The following CNKSR3 variants were observed in gnomAD, a reference collection of about 807,000 sequenced individuals.
CNKSR3 encodes connector enhancer of kinase suppressor of ras 3.
In CNKSR3, 36 loss-of-function variants were observed where a neutral mutation model predicts 67.7. The ratio of observed to expected loss-of-function variants is 0.53; its 90% confidence interval spans 0.41 to 0.70. The LOEUF (loss-of-function observed/expected upper bound fraction) is 0.70. Ranked by LOEUF, CNKSR3 falls within the 30% of genes least tolerant of loss-of-function variation. The probability of loss-of-function intolerance (pLI) is 0.00; values close to 1 mark genes in which losing one functional copy is unlikely to be tolerated. For missense variants in CNKSR3, 630 were observed against 695.2 expected (o/e 0.91, Z 1.05); for synonymous variants, 281 against 271.4 (o/e 1.04, Z -0.35).
At chr6:154,413,424 C>T (rs1784949746) in intron 10 of CNKSR3, among the ~76,000 whole-genome samples, 1 of 151,970 alleles carries the variant, frequency 6.6e-6, no homozygotes. Context: ...AGAGATGGGG[C>T]CTCACTATAT....
At chr6:154,507,972 C>G (rs753607586) in intron 1 of CNKSR3, among the ~76,000 whole-genome samples, 3 of 152,194 alleles carry the variant, frequency 2.0e-5, no homozygotes, top group Non-Finnish European at 4.4e-5. Context: ...ACAACAACAA[C>G]AAAACCAGAC....
intron 1 of CNKSR3, among the ~76,000 whole-genome samples, chr6:154,474,112 T>TA (rs112210954): frequency 7.0e-4 from 101 of 144,664 alleles, no homozygotes; most frequent in Middle Eastern, 3.5e-3. Context: ...CATGGGGTTA[T>TA]AAAAAAAAAA....
chr6:154,450,010 T>G (rs1019462053), intron 2 of CNKSR3, 85 bp downstream of exon 2: 1 of 1,293,424 alleles, frequency 7.7e-7, no homozygotes, highest in Non-Finnish European at 1.1e-6. Context: ...AAGAGTGATA[T>G]GCTAAATCAC....
intron 1 of CNKSR3, among the ~76,000 whole-genome samples, chr6:154,468,059 C>CT (rs554569457): frequency 0.012 from 1,572 of 126,660 alleles, 19 homozygotes; most frequent in Middle Eastern, 0.044. Context: ...CACGCCTAGG[C>CT]TTTTTTTTTT....
intron 1 of CNKSR3, among the ~76,000 whole-genome samples, chr6:154,467,925 A>G (rs1562346572): frequency 6.6e-6 from 1 of 151,302 alleles, no homozygotes. Flanking sequence ...ACGCCCGGCT[A>G]ATTTTTGTAC....
intron 5 of CNKSR3, among the ~76,000 whole-genome samples, chr6:154,431,471 A>G (rs1388432789): frequency 6.6e-6 from 1 of 151,682 alleles, no homozygotes; most frequent in Non-Finnish European, 1.5e-5. Context: ...AGCCACCAAA[A>G]ACAAATTATG....
intron 1 of CNKSR3, among the ~76,000 whole-genome samples, chr6:154,490,139 A>ATGCTTTAAAGTTTTCTTAT (rs1327030365): frequency 1.3e-5 from 2 of 152,168 alleles, no homozygotes; most frequent in Non-Finnish European, 2.9e-5. Flanking sequence ...GCTTAAAGTC[A>ATGCTTTAAAGTTTTCTTAT]GCTCAGTTTT....
rs1453787695 is a variant in CNKSR3, at chr6:154,394,895, T to C, written c.*11459A>G. 6.6e-6 allele frequency: 1 copy of C among 152,224 alleles called. No individual in the cohort carries two copies. The highest frequency in any genetic ancestry group is 1.5e-5 in the Non-Finnish European group (1 of 68,050). The allele number at this position is 152,224 out of a possible 1,614,324, so 9.4% of individuals were successfully genotyped here. A position where few individuals can be genotyped will look rare whatever the true frequency, so the allele number is the denominator to read the frequency against. ...TGTGGGTTGGATTCTTTGTTGCTTATACCTCCAATGGCCAAATACATTTTC... is the reference window on the plus strand; with the variant it reads ...TGTGGGTTGGATTCTTTGTTGCTTACACCTCCAATGGCCAAATACATTTTC... On this transcript the variant is annotated 3_prime_UTR_variant, in exon 13 of 13. Coordinates refer to ENST00000607772, the MANE Select transcript of CNKSR3 (RefSeq NM_173515.4).
In CNKSR3 at chr6:154,394,356, T is replaced by C. The variant is rs1784636871; in HGVS notation, c.*11998A>G. Reference sequence around the variant, plus strand: ...GGCCAGGTTGGTTGAGTATTCACTTTCCTGGGACCCATCTCCCAATTTACC... The same window carrying C: ...GGCCAGGTTGGTTGAGTATTCACTTCCCTGGGACCCATCTCCCAATTTACC... On this transcript the variant is annotated 3_prime_UTR_variant, in exon 13 of 13. Coordinates refer to ENST00000607772, the MANE Select transcript of CNKSR3 (RefSeq NM_173515.4). 6.6e-6 allele frequency: 1 copy of C among 152,106 alleles called. No individual in the cohort carries two copies. Among genetic ancestry groups the C allele is most frequent in the Non-Finnish European group, 1.5e-5 (1 of 68,040 alleles). 9.4% of individuals were successfully genotyped at this position (152,106 alleles called of 1,614,324 possible).
chr6:154,486,448 C>T (rs1276494543), intron 1 of CNKSR3, among the ~76,000 whole-genome samples: 1 of 151,232 alleles, frequency 6.6e-6, no homozygotes, highest in Non-Finnish European at 1.5e-5. Context: ...AGGCACGGGC[C>T]ACCACGCCCA....
intron 9 of CNKSR3, among the ~76,000 whole-genome samples, chr6:154,419,539 C>T (rs905999174): frequency 2.0e-5 from 3 of 152,146 alleles, no homozygotes; most frequent in African/African-American, 7.2e-5. Flanking sequence ...AATCCTAGCA[C>T]ACGGCTGGTG....
At chr6:154,424,846 A>G (rs1189255060) in intron 7 of CNKSR3, among the ~76,000 whole-genome samples, 3 of 152,078 alleles carry the variant, frequency 2.0e-5, no homozygotes, top group Non-Finnish European at 4.4e-5. Context: ...ATCTCAGCCC[A>G]CTGTAACCTC....
In CNKSR3 at chr6:154,404,005, G is replaced by C. The variant is rs1784744862; in HGVS notation, c.*2349C>G. 6.6e-6 allele frequency: 1 copy of C among 152,162 alleles called. No homozygotes were observed. Among genetic ancestry groups the C allele is most frequent in the Non-Finnish European group, 1.5e-5 (1 of 68,072 alleles). The allele number at this position is 152,162 out of a possible 1,614,324, so 9.4% of individuals were successfully genotyped here. On this transcript the variant is annotated 3_prime_UTR_variant, in exon 13 of 13. Transcript: ENST00000607772. ...GGCATAAAGCCAGCTCAAGACAAGA[G>C]TAAAACAGGCAGGGCTGGCTCGCCC...
At chr6:154,434,999 T>C (rs1378910181) in intron 4 of CNKSR3, among the ~76,000 whole-genome samples, 1 of 149,926 alleles carries the variant, frequency 6.7e-6, no homozygotes, top group African/African-American at 2.4e-5. Context: ...CAAATTCCTT[T>C]TTTTTTTTTT....
chr6:154,424,086 G>C lies in CNKSR3; in HGVS notation c.730-1103C>G, dbSNP rs530423733. Among the ~76,000 whole-genome samples, 4 of 152,200 alleles carry C rather than the reference G, an allele frequency of 2.6e-5. No homozygotes were observed. In the South Asian group the frequency reaches 8.3e-4, roughly 32 times the overall value. On this transcript the variant is annotated intron_variant, in intron 7 of 12. Coordinates refer to ENST00000607772, the MANE Select transcript of CNKSR3 (RefSeq NM_173515.4). ...TCTCTACTAAAAATACAAAAAATTA[G>C]CCAGGCATGGTGGCGGGCGCCTGTA...
Position 154,405,516 on chromosome 6 carries a change from C to T in CNKSR3, c.*838G>A, listed in dbSNP as rs968434383. 7 of 152,282 alleles carry T rather than the reference C, an allele frequency of 4.6e-5. No individual in the cohort carries two copies. Among genetic ancestry groups the T allele is most frequent in the African/African-American group, 1.7e-4 (7 of 41,458 alleles). The allele number at this position is 152,282 out of a possible 1,614,324, so 9.4% of individuals were successfully genotyped here. Reference sequence around the variant, plus strand: ...GTGTACAATTTTGAAGAAGTGTACACACCGTGCTGGAAGACAGACACTGAA... The same window carrying T: ...GTGTACAATTTTGAAGAAGTGTACATACCGTGCTGGAAGACAGACACTGAA... On this transcript the variant is annotated 3_prime_UTR_variant, in exon 13 of 13. Transcript: ENST00000607772.
At chr6:154,493,524 C>A (rs1786821000) in intron 1 of CNKSR3, among the ~76,000 whole-genome samples, 1 of 152,174 alleles carries the variant, frequency 6.6e-6, no homozygotes, top group African/African-American at 2.4e-5. Context: ...AGTGGAAGTG[C>A]CAATTAACTG....
At chr6:154,497,154 G>A (rs1348410054) in intron 1 of CNKSR3, among the ~76,000 whole-genome samples, 1 of 152,046 alleles carries the variant, frequency 6.6e-6, no homozygotes, top group Non-Finnish European at 1.5e-5. Context: ...GAGGCAGGAG[G>A]ATCGTTTTGA....
chr6:154,450,877 A>C (rs943103481), intron 1 of CNKSR3, among the ~76,000 whole-genome samples: 13 of 152,226 alleles, frequency 8.5e-5, no homozygotes, highest in Non-Finnish European at 1.6e-4. Flanking sequence ...CAGTTTTCTG[A>C]GAATAAATCC....
Sources: gnomAD v4.1 joint callset for allele counts (sites outside exome capture counted in the v4.1 genomes callset) on GRCh38, gnomAD v4.1.1 for gene constraint, MANE v1.5 for transcripts, NCBI Gene and HGNC (gene_info 2026-07-23, HGNC 2026-07-21) for gene names.